The following CRPPA variants were observed in gnomAD, a reference collection of about 807,000 sequenced individuals.
CRPPA encodes the protein CDP-L-ribitol pyrophosphorylase A.
CRPPA carries 43 observed loss-of-function variants against 52.0 expected under a neutral mutation model. The ratio of observed to expected loss-of-function variants is 0.83; its 90% CI spans 0.65 to 1.07. The LOEUF is 1.07. Among genes scored for constraint, CRPPA ranks in the 50% least tolerant of loss-of-function variants. The probability of loss-of-function intolerance (pLI) is 0.00; values close to 1 mark genes in which losing one functional copy is unlikely to be tolerated. For synonymous variants in CRPPA, 250 were observed against 203.5 expected (o/e 1.23, Z -1.94); for missense variants, 629 against 551.7 (o/e 1.14, Z -1.40).
intron 3 of CRPPA, among the ~76,000 whole-genome samples, chr7:16,328,556 C>A (rs1340513567): frequency 6.6e-6 from 1 of 152,054 alleles, no homozygotes; most frequent in African/African-American, 2.4e-5. Context: ...ACTCTGTCAC[C>A]CAGGCAGGAG....
chr7:16,391,284 C>T (rs1456134764), intron 2 of CRPPA, among the ~76,000 whole-genome samples: 4 of 152,056 alleles, frequency 2.6e-5, no homozygotes, highest in Non-Finnish European at 2.9e-5. Context: ...TGATTTCTCC[C>T]CCACTCTTAT....
rs73681763 is a variant in CRPPA at position 16,182,685 on chromosome 7, G to A, written c.1251+33381C>T. On this transcript the variant is annotated intron_variant, in intron 9 of 9. Transcript: ENST00000407010. ...TGTTTTCTTCATAACCAAGTTATCA[G>A]CCCTGATTCCCCAATTCTCACTTTG... 3.0e-3 allele frequency among the ~76,000 whole-genome samples: 461 copies of A among 152,196 alleles called. 3 individuals are homozygous for A. Among genetic ancestry groups the A allele is most frequent in the African/African-American group, 0.011 (440 of 41,516 alleles).
At chr7:16,304,231 C>G (rs1454461045) in intron 4 of CRPPA, among the ~76,000 whole-genome samples, 1 of 152,056 alleles carries the variant, frequency 6.6e-6, no homozygotes, top group African/African-American at 2.4e-5. Context: ...ATCCCTACTC[C>G]CAGAACCAGT....
At chr7:16,389,455 T>C (rs77927990) in intron 2 of CRPPA, among the ~76,000 whole-genome samples, 3 of 147,314 alleles carry the variant, frequency 2.0e-5, no homozygotes, top group East Asian at 4.0e-4. Flanking sequence ...GTTCAACATA[T>C]CAAAAAAAAA....
chr7:16,378,224 A>G (rs976208541), intron 2 of CRPPA, among the ~76,000 whole-genome samples: 4 of 150,644 alleles, frequency 2.7e-5, no homozygotes, highest in Admixed American at 1.3e-4. Context: ...CTTGTTATTT[A>G]GCATTAGGTA....
At chr7:16,174,909 G>T (rs1583408597) in intron 9 of CRPPA, among the ~76,000 whole-genome samples, 1 of 152,212 alleles carries the variant, frequency 6.6e-6, no homozygotes, top group South Asian at 2.1e-4. Context: ...GAGAGAAGGG[G>T]TTAAACCACT....
rs770776958 is a variant in CRPPA, at chr7:16,278,178, T to G, written c.884A>C (p.Asn295Thr). ...TTCAAGAAGATGACCTACATGTTTGTTATCTTCTTCTGTATCCATAACTAC... is the reference window on the plus strand; with the variant it reads ...TTCAAGAAGATGACCTACATGTTTGGTATCTTCTTCTGTATCCATAACTAC... ...ICVVMDTEED[N>T]KHVGHLLEEV... Residue 295 changes from asparagine (N) to threonine (T), a missense_variant, in exon 6 of 10, where the codon AAC becomes ACC. By Grantham distance (65) the Asn-to-Thr change is moderately conservative. Coordinates refer to ENST00000407010, the MANE Select transcript of CRPPA (RefSeq NM_001101426.4). The G allele has an allele frequency of 6.3e-7, 1 of 1,584,642 alleles. No individual in the cohort carries two copies. Among genetic ancestry groups the G allele is most frequent in the South Asian group, 1.1e-5 (1 of 88,600 alleles).
rs1411547125 is a variant in CRPPA at position 16,280,356 on chromosome 7, T to C, written c.836-2130A>G. On this transcript the variant is annotated intron_variant, in intron 5 of 9. Coordinates refer to ENST00000407010, the MANE Select transcript of CRPPA (RefSeq NM_001101426.4). The stretch of plus-strand genomic sequence containing the variant: ...TGAAAACAGAGTTAACCCAAACTTA[T>C]ACATCATGAAATTACATGTTTAGAG... Among the ~76,000 whole-genome samples the C allele has an allele frequency of 2.0e-5, 3 of 152,210 alleles. No individual in the cohort carries two copies. The East Asian group carries it at 5.8e-4, about 29-fold the overall frequency.
At chr7:16,312,909 A>G (rs1030776229) in intron 3 of CRPPA, among the ~76,000 whole-genome samples, 3 of 151,966 alleles carry the variant, frequency 2.0e-5, no homozygotes, top group Non-Finnish European at 2.9e-5. Flanking sequence ...AGTCTTGTGT[A>G]TCTGAGATAA....
intron 8 of CRPPA, among the ~76,000 whole-genome samples, chr7:16,218,387 C>T (rs373806567): frequency 7.1e-5 from 9 of 127,144 alleles, no homozygotes; most frequent in Non-Finnish European, 9.9e-5. Context: ...CATCAACTAA[C>T]GAGCAAAATC....
intron 9 of CRPPA, among the ~76,000 whole-genome samples, chr7:16,213,481 G>C (rs1162796873): frequency 1.3e-5 from 2 of 151,910 alleles, no homozygotes; most frequent in African/African-American, 4.8e-5. Flanking sequence ...AGGCGCGGTG[G>C]CTCACACCTG....
intron 9 of CRPPA, among the ~76,000 whole-genome samples, chr7:16,100,740 G>C (rs1019030420): frequency 6.6e-6 from 1 of 152,198 alleles, no homozygotes; most frequent in African/African-American, 2.4e-5. Context: ...AGTTTTCAAA[G>C]GGAATGCTTC....
At chr7:16,149,052 T>G (rs1783026598) in intron 9 of CRPPA, among the ~76,000 whole-genome samples, 1 of 152,180 alleles carries the variant, frequency 6.6e-6, no homozygotes, top group African/African-American at 2.4e-5. Flanking sequence ...TTATTTTGTT[T>G]TTATCAACAA....
At chr7:16,174,499 GACCCATGCAAAAAATCC>G (rs1319181743) in intron 9 of CRPPA, among the ~76,000 whole-genome samples, 1 of 152,096 alleles carries the variant, frequency 6.6e-6, no homozygotes, top group Non-Finnish European at 1.5e-5. Flanking sequence ...GTAGTTTGCT[GACCCATGCAAAAAATCC>G]ACTTCCAATT....
At chr7:16,210,331 A>G (rs1012102767) in intron 9 of CRPPA, among the ~76,000 whole-genome samples, 2 of 152,196 alleles carry the variant, frequency 1.3e-5, no homozygotes, top group African/African-American at 2.4e-5. Flanking sequence ...ATGGTTCCCA[A>G]TGATAACCCT....
At chr7:16,266,000 C>T (rs1783943112) in intron 6 of CRPPA, among the ~76,000 whole-genome samples, 1 of 152,136 alleles carries the variant, frequency 6.6e-6, no homozygotes, top group African/African-American at 2.4e-5. Context: ...GGTACTATTA[C>T]CTTGTCACAG....
intron 9 of CRPPA, among the ~76,000 whole-genome samples, chr7:16,120,886 T>TA (rs1782468259): frequency 6.6e-6 from 1 of 152,088 alleles, no homozygotes. Context: ...TTAAAGTGTA[T>TA]CACAGAACCT....
intron 9 of CRPPA, among the ~76,000 whole-genome samples, chr7:16,104,627 G>C (rs1782112056): frequency 6.6e-6 from 1 of 152,200 alleles, no homozygotes. Context: ...GAGGCTGGGT[G>C]CAGTGGCTCA....
At chr7:16,373,451 T>C (rs1442347611) in intron 3 of CRPPA, among the ~76,000 whole-genome samples, 6 of 152,216 alleles carry the variant, frequency 3.9e-5, no homozygotes, top group Admixed American at 6.5e-5. Context: ...GTTAGTAATA[T>C]ACCAGGCAGA....
Sources: allele counts gnomAD v4.1 joint callset (sites outside exome capture counted in the v4.1 genomes callset), GRCh38; gene constraint gnomAD v4.1.1; transcripts MANE v1.5; gene names NCBI Gene and HGNC (gene_info 2026-07-23, HGNC 2026-07-21).